The following GTF2IRD2B variants were observed in gnomAD, a reference collection of about 807,000 sequenced individuals.
GTF2IRD2B encodes general transcription factor II-I repeat domain-containing protein 2B.
A neutral mutation model predicts 55.6 loss-of-function variants in GTF2IRD2B; 10 were observed. The ratio of observed to expected loss-of-function variants is 0.18; its 90% CI spans 0.11 to 0.31. GTF2IRD2B has a LOEUF of 0.31. GTF2IRD2B is among the 10% of genes least tolerant of loss of function. GTF2IRD2B has a pLI of 1.00. For synonymous variants in GTF2IRD2B, 107 were observed against 320.5 expected, an observed-to-expected ratio of 0.33 and a Z score of 7.12; for missense variants, 206 against 802.7, an observed-to-expected ratio of 0.26 and a Z score of 8.98.
chr7:75,127,455 A>T, intron 8 of GTF2IRD2B, among the ~76,000 whole-genome samples: 1 of 128,960 alleles, frequency 7.8e-6, no homozygotes, highest in Admixed American at 8.3e-5. Flanking sequence ...GGTGACAGAG[A>T]GAGACGTTGT....
At chr7:75,124,366 T>C (rs1180291251) in intron 6 of GTF2IRD2B, among the ~76,000 whole-genome samples, 2 of 152,200 alleles carry the variant, frequency 1.3e-5, no homozygotes, top group African/African-American at 4.8e-5. Flanking sequence ...AGACTGTGCC[T>C]CAAAAATAAA....
intron 3 of GTF2IRD2B, among the ~76,000 whole-genome samples, chr7:75,117,325 C>T (rs1244428786): frequency 4.2e-3 from 636 of 151,904 alleles, no homozygotes; most frequent in African/African-American, 0.014. Context: ...CATGGGAAAA[C>T]CCCGTCTCTA....
At position 75,092,593 on chromosome 7, in the gene GTF2IRD2B, AAGAG is replaced by A. The variant is rs1428063713; in HGVS notation, c.-176_-173del. On this transcript the variant is annotated 5_prime_UTR_variant, in exon 1 of 16. Transcript: ENST00000472837. Reference sequence around the variant, plus strand: ...GGGGGAAAAGGGGGGGAAAGAAAGAAAGAGAAAAAGGAGGGCGAGTGGCGAGCAG... The same window carrying A: ...GGGGGAAAAGGGGGGGAAAGAAAGAAAAAAAGGAGGGCGAGTGGCGAGCAG... The A allele has an allele frequency of 1.3e-5, 2 of 152,600 alleles. No homozygotes were observed. Among genetic ancestry groups the A allele is most frequent in the Non-Finnish European group, 2.9e-5 (2 of 68,172 alleles). 9.5% of individuals were successfully genotyped at this position (152,600 alleles called of 1,614,324 possible).
At chr7:75,147,435 AAAC>A (rs1328225229) in intron 15 of GTF2IRD2B, among the ~76,000 whole-genome samples, 2 of 151,242 alleles carry the variant, frequency 1.3e-5, no homozygotes, top group African/African-American at 4.9e-5. Flanking sequence ...TCCGTCTCAA[AAAC>A]AACGACAACA....
rs1266446963 is a variant in GTF2IRD2B, at chr7:75,093,650, TC to T, written c.-6+888del. ...TGGACATTTCGTGTGGATAGAATCA[TC>T]CCAAGAAGTTTTTTGTGTGTCTGGC... On this transcript the variant is annotated intron_variant, in intron 1 of 15. Coordinates refer to ENST00000472837, the MANE Select transcript of GTF2IRD2B (RefSeq NM_001003795.3). Among the ~76,000 whole-genome samples, 7 of 152,342 alleles carry T rather than the reference TC, an allele frequency of 4.6e-5. 1 individual carries two copies. Among genetic ancestry groups the T allele is most frequent in the African/African-American group, 1.7e-4 (7 of 41,592 alleles).
intron 3 of GTF2IRD2B, among the ~76,000 whole-genome samples, chr7:75,115,454 C>G (rs1221427429): frequency 6.8e-6 from 1 of 146,980 alleles, no homozygotes; most frequent in Non-Finnish European, 1.5e-5. Context: ...GACAGAATCT[C>G]GCTCTATCGC....
At chr7:75,092,577 G>C (rs1475111741), upstream of GTF2IRD2B, 2 of 151,310 alleles carry the variant, frequency 1.3e-5, no homozygotes, top group South Asian at 2.1e-4. Flanking sequence ...GGGGGGAAAA[G>C]GGGGGGAAAG....
chr7:75,093,235 TCC>T (rs1807321940), intron 1 of GTF2IRD2B, among the ~76,000 whole-genome samples: 1 of 151,368 alleles, frequency 6.6e-6, no homozygotes, highest in Admixed American at 6.6e-5. Context: ...GTGGGTATGG[TCC>T]TCGCGACGGC....
intron 8 of GTF2IRD2B, among the ~76,000 whole-genome samples, chr7:75,127,491 A>AAGAGAG (rs1190391259): frequency 1.4e-5 from 2 of 144,586 alleles, no homozygotes; most frequent in African/African-American, 2.6e-5. Context: ...AAAAAAAAAA[A>AAGAGAG]AGAGAGAGAG....
chr7:75,104,832 A>T (rs1306297457), intron 1 of GTF2IRD2B, among the ~76,000 whole-genome samples: 1 of 152,286 alleles, frequency 6.6e-6, no homozygotes, highest in Non-Finnish European at 1.5e-5. Context: ...CTTAGCCAAA[A>T]AGCGGAGAGG....
intron 8 of GTF2IRD2B, among the ~76,000 whole-genome samples, chr7:75,127,336 G>A (rs1808553307): frequency 6.6e-6 from 1 of 150,562 alleles, no homozygotes; most frequent in Admixed American, 6.6e-5. Context: ...AAAAATGGTG[G>A]TGCATGCCTG....
In GTF2IRD2B at chr7:75,118,870, C is replaced by T. The variant is rs142366115; in HGVS notation, c.239-2021C>T. On this transcript the variant is annotated intron_variant, in intron 3 of 15. Coordinates refer to ENST00000472837, the MANE Select transcript of GTF2IRD2B (RefSeq NM_001003795.3). ...ATGATGGGACAAAGAAAATGTGGTA[C>T]GTACACTATGGGATACTATTCAGCC... 1.3e-3 allele frequency among the ~76,000 whole-genome samples: 194 copies of T among 146,920 alleles called. 5 individuals carry two copies. The highest frequency in any genetic ancestry group is 4.9e-3 in the African/African-American group (190 of 39,074).
In GTF2IRD2B at chr7:75,149,509, C is replaced by G; in HGVS notation, c.*212C>G. ...GATTCTCCTGCCTCAGCCTCCCGAG[C>G]AGCTGGGACTACAGGCATGCGCCAC... On this transcript the variant is annotated 3_prime_UTR_variant, in exon 16 of 16. Coordinates refer to ENST00000472837, the MANE Select transcript of GTF2IRD2B (RefSeq NM_001003795.3). 1 of 558,438 alleles carries G rather than the reference C, an allele frequency of 1.8e-6. No individual in the cohort carries two copies. The highest frequency in any genetic ancestry group is 3.2e-6 in the Non-Finnish European group (1 of 311,958). The allele number at this position is 558,438 out of a possible 1,614,324, so 34.6% of individuals were successfully genotyped here. A position where few individuals can be genotyped will look rare whatever the true frequency, so the allele number is the denominator to read the frequency against.
chr7:75,124,381 TAAA>T (rs1289923136), intron 6 of GTF2IRD2B, among the ~76,000 whole-genome samples: 2 of 151,352 alleles, frequency 1.3e-5, no homozygotes, highest in East Asian at 1.9e-4. Context: ...AATAAATAAA[TAAA>T]GAAGAATAAA....
chr7:75,115,357 C>T (rs1808106838), intron 3 of GTF2IRD2B, among the ~76,000 whole-genome samples: 2 of 150,874 alleles, frequency 1.3e-5, no homozygotes, highest in Non-Finnish European at 3.0e-5. Context: ...TATGAGACCT[C>T]CAAATTTGCT....
At chr7:75,105,014 A>G (rs1330546774) in intron 1 of GTF2IRD2B, among the ~76,000 whole-genome samples, 1 of 152,304 alleles carries the variant, frequency 6.6e-6, no homozygotes, top group Non-Finnish European at 1.5e-5. Context: ...TCTGGGCAAC[A>G]TAGTGAAACC....
At chr7:75,104,484 T>C (rs1468172697) in intron 1 of GTF2IRD2B, among the ~76,000 whole-genome samples, 5 of 146,714 alleles carry the variant, frequency 3.4e-5, no homozygotes, top group Admixed American at 3.4e-4. Flanking sequence ...TGTGAAGAAG[T>C]GGAAATAGCA....
At chr7:75,104,860 T>C (rs1807723573) in intron 1 of GTF2IRD2B, among the ~76,000 whole-genome samples, 1 of 152,298 alleles carries the variant, frequency 6.6e-6, no homozygotes, top group African/African-American at 2.4e-5. Flanking sequence ...GGCTGCTTTT[T>C]CTGACTCCAG....
At chr7:75,112,725 T>C in intron 3 of GTF2IRD2B, 190 bp downstream of exon 3, 1 of 1,175,536 alleles carries the variant, frequency 8.5e-7, no homozygotes, top group Non-Finnish European at 1.2e-6. Flanking sequence ...TCATTTTATT[T>C]TATACTAGGT....
Sources: gnomAD v4.1 joint callset for allele counts (sites outside exome capture counted in the v4.1 genomes callset) on GRCh38, gnomAD v4.1.1 for gene constraint, MANE v1.5 for transcripts, NCBI Gene and HGNC (gene_info 2026-07-23, HGNC 2026-07-21) for gene names.